The following FHIP1A variants were observed in gnomAD, a reference collection of about 807,000 sequenced individuals.
The protein encoded by FHIP1A is FHF complex subunit HOOK-interacting protein 1A.
In FHIP1A, 61 loss-of-function variants were observed where a neutral mutation model predicts 88.6. The observed-to-expected ratio is 0.69, with a 90% CI of 0.56 to 0.85. FHIP1A has a LOEUF of 0.85. Ranked by LOEUF, FHIP1A falls within the 40% of genes least tolerant of loss-of-function variation. The pLI is 0.00. For synonymous variants in FHIP1A, 478 were observed against 496.0 expected, an observed-to-expected ratio of 0.96 and a Z score of 0.48; for missense variants, 1,154 against 1,273.5, an observed-to-expected ratio of 0.91 and a Z score of 1.43.
At chr4:151,580,123 G>C (rs1733965374) in intron 5 of FHIP1A, among the ~76,000 whole-genome samples, 1 of 152,070 alleles carries the variant, frequency 6.6e-6, no homozygotes, top group Non-Finnish European at 1.5e-5. Flanking sequence ...TCCAATAAAA[G>C]ATATCCATCT....
intron 9 of FHIP1A, among the ~76,000 whole-genome samples, chr4:151,642,557 A>G (rs547636816): frequency 6.6e-6 from 1 of 152,268 alleles, no homozygotes; most frequent in African/African-American, 2.4e-5. Flanking sequence ...TTGAATCACA[A>G]ATGATCTTTT....
chr4:151,533,397 A>G (rs1010576817), intron 3 of FHIP1A, among the ~76,000 whole-genome samples: 1 of 149,776 alleles, frequency 6.7e-6, no homozygotes, highest in Non-Finnish European at 1.5e-5. Flanking sequence ...CCTAGGAAAC[A>G]GATCGAGGCC....
intron 1 of FHIP1A, among the ~76,000 whole-genome samples, chr4:151,448,650 T>G (rs1728689737): frequency 6.6e-6 from 1 of 152,200 alleles, no homozygotes; most frequent in Admixed American, 6.5e-5. Flanking sequence ...TCTTCCTTCT[T>G]GATGCTGAAT....
At chr4:151,553,347 G>C (rs993080974) in intron 3 of FHIP1A, among the ~76,000 whole-genome samples, 1 of 152,030 alleles carries the variant, frequency 6.6e-6, no homozygotes, top group Admixed American at 6.6e-5. Flanking sequence ...AAATTTGTGG[G>C]TATTCCTTGT....
intron 3 of FHIP1A, among the ~76,000 whole-genome samples, chr4:151,528,647 T>C (rs963753061): frequency 1.3e-5 from 2 of 152,172 alleles, no homozygotes; most frequent in Non-Finnish European, 1.5e-5. Flanking sequence ...TTTTAAATTA[T>C]GTATTTGGAT....
intron 4 of FHIP1A, among the ~76,000 whole-genome samples, chr4:151,574,350 A>G (rs532331752): frequency 1.2e-4 from 18 of 152,352 alleles, no homozygotes; most frequent in Admixed American, 8.5e-4. Context: ...CATTCTGTAT[A>G]AAAATCTTAG....
intron 2 of FHIP1A, among the ~76,000 whole-genome samples, chr4:151,459,866 G>A (rs1729089455): frequency 6.6e-6 from 1 of 152,156 alleles, no homozygotes; most frequent in African/African-American, 2.4e-5. Flanking sequence ...TTGACGGAGA[G>A]AGAGCAAGAA....
intron 1 of FHIP1A, among the ~76,000 whole-genome samples, chr4:151,418,638 G>A (rs1732990683): frequency 6.6e-6 from 1 of 152,128 alleles, no homozygotes; most frequent in Non-Finnish European, 1.5e-5. Context: ...CTCTTGACTT[G>A]GTTGTCTTGG....
intron 3 of FHIP1A, among the ~76,000 whole-genome samples, chr4:151,487,661 G>A (rs1389263305): frequency 6.6e-6 from 1 of 152,158 alleles, no homozygotes; most frequent in Non-Finnish European, 1.5e-5. Flanking sequence ...CATTTATCAG[G>A]TGTTTCCTGT....
chr4:151,595,290 A>G (rs182749724), intron 7 of FHIP1A, among the ~76,000 whole-genome samples: 2 of 152,312 alleles, frequency 1.3e-5, no homozygotes, highest in East Asian at 3.9e-4. Flanking sequence ...TTTACCCAGT[A>G]GTTATTCAGG....
At chr4:151,643,134 T>A (rs547547115) in intron 9 of FHIP1A, among the ~76,000 whole-genome samples, 1 of 152,272 alleles carries the variant, frequency 6.6e-6, no homozygotes, top group Admixed American at 6.5e-5. Context: ...ATTTTTCTAC[T>A]ATTGACAGCC....
intron 3 of FHIP1A, among the ~76,000 whole-genome samples, chr4:151,523,421 C>A (rs1240029789): frequency 6.6e-6 from 1 of 152,172 alleles, no homozygotes; most frequent in Admixed American, 6.5e-5. Context: ...CTATTATCCC[C>A]TGGAGGGCTC....
intron 1 of FHIP1A, among the ~76,000 whole-genome samples, chr4:151,436,782 A>G (rs1721853038): frequency 6.6e-6 from 1 of 152,140 alleles, no homozygotes; most frequent in Non-Finnish European, 1.5e-5. Flanking sequence ...TTTTGTTTTA[A>G]AAATAGTAAT....
At chr4:151,504,604 T>TATGTTATGTC (rs1186237044) in intron 3 of FHIP1A, among the ~76,000 whole-genome samples, 2 of 61,108 alleles carry the variant, frequency 3.3e-5, no homozygotes, top group South Asian at 5.0e-4. Context: ...TATGTTATGT[T>TATGTTATGTC]ATGTCATGTT....
chr4:151,607,695 A>G (rs986997747), intron 7 of FHIP1A, among the ~76,000 whole-genome samples: 7 of 152,148 alleles, frequency 4.6e-5, no homozygotes, highest in Non-Finnish European at 7.3e-5. Flanking sequence ...TCATTGGTGT[A>G]TATGTATAAT....
At chr4:151,652,433 T>A (rs540251194) in intron 11 of FHIP1A, among the ~76,000 whole-genome samples, 1 of 152,340 alleles carries the variant, frequency 6.6e-6, no homozygotes, top group African/African-American at 2.4e-5. Flanking sequence ...TGATTTCTAC[T>A]GAAATGAGTT....
intron 3 of FHIP1A, among the ~76,000 whole-genome samples, chr4:151,494,414 T>A (rs1730389307): frequency 6.6e-6 from 1 of 152,222 alleles, no homozygotes; most frequent in Non-Finnish European, 1.5e-5. Flanking sequence ...GCCAGTACCA[T>A]TTATTGAATA....
At chr4:151,538,211 A>G (rs1732143248) in intron 3 of FHIP1A, among the ~76,000 whole-genome samples, 2 of 152,116 alleles carry the variant, frequency 1.3e-5, no homozygotes, top group African/African-American at 2.4e-5. Context: ...TCCCCTTACT[A>G]GTTGTATAAG....
At chr4:151,417,283 C>T (rs955690105) in intron 1 of FHIP1A, among the ~76,000 whole-genome samples, 1 of 152,064 alleles carries the variant, frequency 6.6e-6, no homozygotes, top group Admixed American at 6.5e-5. Flanking sequence ...ACTTGATATA[C>T]ACCCTATGTA....
Sources: gnomAD v4.1 joint callset for allele counts (sites outside exome capture counted in the v4.1 genomes callset) on GRCh38, gnomAD v4.1.1 for gene constraint, MANE v1.5 for transcripts, NCBI Gene and HGNC (gene_info 2026-07-23, HGNC 2026-07-21) for gene names.